Variants in TSPAN15 observed in about 807,000 individuals in gnomAD.
TSPAN15 encodes tetraspanin-15.
A neutral mutation model predicts 34.5 loss-of-function variants in TSPAN15; 20 were observed. That is an observed-to-expected ratio of 0.58 (90% confidence interval 0.41 to 0.84). The LOEUF (loss-of-function observed/expected upper bound fraction) is 0.84, where lower values mean the gene tolerates loss of function less well. Ranked by LOEUF, TSPAN15 falls within the 40% of genes least tolerant of loss-of-function variation. The probability of loss-of-function intolerance (pLI) is 0.00; values close to 1 mark genes in which losing one functional copy is unlikely to be tolerated. For missense variants in TSPAN15, 313 were observed against 386.1 expected (o/e 0.81, Z 1.59); for synonymous variants, 155 against 153.9 (o/e 1.01, Z -0.05).
At chr10:69,495,736 C>G (rs766544837) in intron 4 of TSPAN15, 47 bp downstream of exon 4, 2 of 1,355,586 alleles carry the variant, frequency 1.5e-6, no homozygotes, top group Admixed American at 1.7e-5. Flanking sequence ...GTGCTCTTAG[C>G]CCCCCATTCA....
chr10:69,549,451 A>G, the TSPAN15 span, among the ~76,000 whole-genome samples: 1 of 152,124 alleles, frequency 6.6e-6, no homozygotes, highest in Non-Finnish European at 1.5e-5. Context: ...TTGTCTTACC[A>G]CCATCTGAGA....
At chr10:69,499,745 T>G (rs1352625569) in intron 5 of TSPAN15, among the ~76,000 whole-genome samples, 3 of 152,178 alleles carry the variant, frequency 2.0e-5, no homozygotes, top group Admixed American at 2.0e-4. Context: ...GATTGCAGTT[T>G]GGGATACTGA....
chr10:69,519,241 C>T, the TSPAN15 span, among the ~76,000 whole-genome samples: 1 of 152,062 alleles, frequency 6.6e-6, no homozygotes, highest in South Asian at 2.1e-4. Flanking sequence ...ATGGGAGACC[C>T]TGTCTCTACA....
rs151327622 is a variant in TSPAN15 at position 69,458,245 on chromosome 10, G to C, written c.96+6555G>C. 1.8e-4 allele frequency among the ~76,000 whole-genome samples: 25 copies of C among 142,478 alleles called. 1 individual carries two copies. The East Asian group carries it at 4.7e-3, about 27-fold the overall frequency. 93.5% of individuals were successfully genotyped at this position (142,478 alleles called of 152,430 possible). A position where few individuals can be genotyped will look rare whatever the true frequency, so the allele number is the denominator to read the frequency against. On this transcript the variant is annotated intron_variant, in intron 1 of 7. Coordinates refer to ENST00000373290, the MANE Select transcript of TSPAN15 (RefSeq NM_012339.5). Reference sequence around the variant, plus strand: ...AGGCCAAAAAGAAAGCACTTCTCTGGAGACAGTTTCCAGGAGATTTTTACT... The same window carrying C: ...AGGCCAAAAAGAAAGCACTTCTCTGCAGACAGTTTCCAGGAGATTTTTACT...
At chr10:69,545,206 A>G in the TSPAN15 span, among the ~76,000 whole-genome samples, 1 of 152,182 alleles carries the variant, frequency 6.6e-6, no homozygotes, top group Non-Finnish European at 1.5e-5. Context: ...ATTCAGGCCA[A>G]GTGGGAAGGC....
At chr10:69,533,535 G>A in the TSPAN15 span, among the ~76,000 whole-genome samples, 43 of 152,194 alleles carry the variant, frequency 2.8e-4, no homozygotes, top group African/African-American at 8.9e-4. Flanking sequence ...GAGTGGGCAA[G>A]GAATAAAAGA....
intron 1 of TSPAN15, among the ~76,000 whole-genome samples, chr10:69,463,234 A>G (rs896932823): frequency 2.6e-5 from 4 of 152,180 alleles, no homozygotes; most frequent in Non-Finnish European, 2.9e-5. Flanking sequence ...TCCTCCTTCA[A>G]TGATATCTCG....
At chr10:69,526,410 A>T in the TSPAN15 span, among the ~76,000 whole-genome samples, 1 of 148,502 alleles carries the variant, frequency 6.7e-6, no homozygotes, top group South Asian at 2.1e-4. Flanking sequence ...AGGAAGATAA[A>T]CAAATCGCCA....
the TSPAN15 span, among the ~76,000 whole-genome samples, chr10:69,522,326 T>C: frequency 8.1e-6 from 1 of 122,796 alleles, no homozygotes; most frequent in Non-Finnish European, 1.6e-5. Flanking sequence ...CGCAGTGGCA[T>C]GATCCCACAA....
chr10:69,539,425 GAAA>G, the TSPAN15 span, among the ~76,000 whole-genome samples: 64 of 116,342 alleles, frequency 5.5e-4, 1 homozygote, highest in East Asian at 1.3e-3. Context: ...GGAAGAAGAA[GAAA>G]GAAGAAGAAG....
the TSPAN15 span, among the ~76,000 whole-genome samples, chr10:69,543,874 TG>T: frequency 6.8e-6 from 1 of 146,984 alleles, no homozygotes; most frequent in African/African-American, 2.5e-5. Context: ...TGTGTGTGTG[TG>T]TGTGTGTGTG....
chr10:69,506,933 C>T lies in TSPAN15; in HGVS notation c.840C>T (p.Ser280=), dbSNP rs139097892. 1.1e-4 allele frequency: 173 copies of T among 1,609,826 alleles called. No homozygotes were observed. The highest frequency in any genetic ancestry group is 2.3e-4 in the African/African-American group (17 of 75,020). ...DGLLGPGAKP[S]VEAAGTGCCL... is the part of the protein sequence containing the mutation. ...TCCTGGGGCCCGGTGCCAAGCCCAGCGTGGAGGCGGCAGGCACGGGATGCT... is the reference window on the plus strand; with the variant it reads ...TCCTGGGGCCCGGTGCCAAGCCCAGTGTGGAGGCGGCAGGCACGGGATGCT... Residue 280 remains serine (S), a synonymous_variant, in exon 8 of 8, where the codon AGC becomes AGT. Transcript: ENST00000373290. The surrounding 1 kb of genome is among the most constrained non-coding windows in gnomAD (Gnocchi z 4.7).
At chr10:69,547,201 CAA>C in the TSPAN15 span, among the ~76,000 whole-genome samples, 1 of 142,666 alleles carries the variant, frequency 7.0e-6, no homozygotes. Context: ...GACTCCATCT[CAA>C]AAAAAAAAAG....
the TSPAN15 span, among the ~76,000 whole-genome samples, chr10:69,532,938 A>T: frequency 6.6e-6 from 1 of 152,244 alleles, no homozygotes; most frequent in Non-Finnish European, 1.5e-5. Context: ...GCTCAGCATC[A>T]CCAACAATCA....
chr10:69,462,953 G>A (rs574571158), intron 1 of TSPAN15, among the ~76,000 whole-genome samples: 1 of 152,342 alleles, frequency 6.6e-6, no homozygotes, highest in African/African-American at 2.4e-5. Flanking sequence ...GCTGGTGGAG[G>A]TATGTGGAGA....
chr10:69,497,580 G>T (rs1163509068), intron 4 of TSPAN15, among the ~76,000 whole-genome samples: 5 of 152,098 alleles, frequency 3.3e-5, no homozygotes, highest in Non-Finnish European at 7.4e-5. Context: ...TTTCCAGGTT[G>T]CACAGCACCT....
chr10:69,490,435 A>G (rs897881366), intron 3 of TSPAN15, among the ~76,000 whole-genome samples: 1 of 152,162 alleles, frequency 6.6e-6, no homozygotes, highest in Non-Finnish European at 1.5e-5. Context: ...AATACCTAAT[A>G]CAGGGCCAGG....
At chr10:69,527,854 G>A in the TSPAN15 span, among the ~76,000 whole-genome samples, 3 of 147,522 alleles carry the variant, frequency 2.0e-5, no homozygotes, top group African/African-American at 7.4e-5. Context: ...AAATTAGGGG[G>A]GTGACAGCTA....
At chr10:69,539,891 C>T in the TSPAN15 span, among the ~76,000 whole-genome samples, 1 of 151,984 alleles carries the variant, frequency 6.6e-6, no homozygotes, top group Admixed American at 6.5e-5. Context: ...ATCACTTTTA[C>T]TTATCTCACA....
Sources: gnomAD v4.1 joint callset for allele counts (sites outside exome capture counted in the v4.1 genomes callset) on GRCh38, gnomAD v4.1.1 for gene constraint, Gnocchi (gnomAD v3.1) non-coding constraint, MANE v1.5 for transcripts, NCBI Gene and HGNC (gene_info 2026-07-23, HGNC 2026-07-21) for gene names.